Variants in ZBTB20 observed in about 807,000 individuals in gnomAD.
The protein encoded by ZBTB20 is zinc finger and BTB domain containing 20, also known as zinc finger and BTB domain-containing protein 20.
Under a neutral mutation model 56.9 loss-of-function variants are expected in ZBTB20, and 9 were observed. That is an observed-to-expected ratio of 0.16 (90% CI 0.10 to 0.28). ZBTB20 has a LOEUF of 0.28. Among genes scored for constraint, ZBTB20 ranks in the 10% least tolerant of loss-of-function variants. The pLI is 1.00. For synonymous variants in ZBTB20, 417 were observed against 420.7 expected (o/e 0.99, Z 0.11); for missense variants, 655 against 1,003.0 (o/e 0.65, Z 4.69).
At chr3:114,533,874 T>C (rs2048147441) in intron 6 of ZBTB20, among the ~76,000 whole-genome samples, 1 of 152,208 alleles carries the variant, frequency 6.6e-6, no homozygotes, top group Non-Finnish European at 1.5e-5. Context: ...CAGAATTTCA[T>C]ATCCAGCCAA....
intron 10 of ZBTB20, among the ~76,000 whole-genome samples, chr3:114,357,929 A>C (rs1576331040): frequency 6.6e-6 from 1 of 152,352 alleles, no homozygotes; most frequent in South Asian, 2.1e-4. Flanking sequence ...GAAAGGGAAG[A>C]GAGAAATGTA....
chr3:114,524,724 T>G (rs1205076863), intron 6 of ZBTB20, among the ~76,000 whole-genome samples: 1 of 152,162 alleles, frequency 6.6e-6, no homozygotes, highest in African/African-American at 2.4e-5. Context: ...TTCCAATTTT[T>G]TTTTCTGAGA....
chr3:114,775,674 G>A lies in ZBTB20; in HGVS notation c.-343+25427C>T, dbSNP rs138998569. Reference sequence around the variant, plus strand: ...ATTTATTTCTTCCAGATGTTTTCCCGACAGCCACCTTTCTGCAATGTCCCT... The same window carrying A: ...ATTTATTTCTTCCAGATGTTTTCCCAACAGCCACCTTTCTGCAATGTCCCT... On this transcript the variant is annotated intron_variant, in intron 5 of 11. Transcript: ENST00000675478. Among the ~76,000 whole-genome samples, 212 of 152,170 alleles carry A rather than the reference G, an allele frequency of 1.4e-3. 5 individuals carry two copies. In the East Asian group the frequency reaches 0.035, roughly 25 times the overall value.
intron 4 of ZBTB20, among the ~76,000 whole-genome samples, chr3:114,885,526 T>C (rs2076570990): frequency 6.6e-6 from 1 of 152,018 alleles, no homozygotes; most frequent in African/African-American, 2.4e-5. Flanking sequence ...AGAAGAGTAA[T>C]CAACACCAGA....
chr3:114,621,410 G>T (rs543868678), intron 6 of ZBTB20, among the ~76,000 whole-genome samples: 1 of 152,220 alleles, frequency 6.6e-6, no homozygotes, highest in East Asian at 1.9e-4. Context: ...GCTGAATATA[G>T]ATATATGGTT....
chr3:114,744,524 C>T (rs956016456), intron 5 of ZBTB20, among the ~76,000 whole-genome samples: 1 of 152,040 alleles, frequency 6.6e-6, no homozygotes. Flanking sequence ...TACCAAGATG[C>T]TTGATACTTT....
At chr3:114,390,710 T>C (rs957656185) in intron 7 of ZBTB20, among the ~76,000 whole-genome samples, 8 of 152,226 alleles carry the variant, frequency 5.3e-5, no homozygotes, top group Admixed American at 4.6e-4. Flanking sequence ...ACATTCTAAA[T>C]AACAGCTGGT....
intron 1 of ZBTB20, among the ~76,000 whole-genome samples, chr3:115,109,426 GCTA>G (rs2083812704): frequency 6.6e-6 from 1 of 152,046 alleles, no homozygotes; most frequent in Admixed American, 6.5e-5. Flanking sequence ...TACAAAAGTT[GCTA>G]CTATTAATAA....
chr3:114,516,606 A>G (rs2046023196), intron 6 of ZBTB20, among the ~76,000 whole-genome samples: 1 of 152,194 alleles, frequency 6.6e-6, no homozygotes, highest in Non-Finnish European at 1.5e-5. Flanking sequence ...ATATGAATAG[A>G]TGTGTGAATA....
intron 8 of ZBTB20, among the ~76,000 whole-genome samples, chr3:114,384,134 C>T (rs1224578141): frequency 2.0e-5 from 3 of 151,008 alleles, no homozygotes; most frequent in East Asian, 2.0e-4. Context: ...CTCTCATTCT[C>T]TCTCTCTCTC....
intron 4 of ZBTB20, among the ~76,000 whole-genome samples, chr3:114,824,408 C>A (rs562819847): frequency 6.6e-6 from 1 of 151,954 alleles, no homozygotes; most frequent in South Asian, 2.1e-4. Context: ...GTGAAACAAA[C>A]AAACATAATG....
intron 1 of ZBTB20, among the ~76,000 whole-genome samples, chr3:115,132,175 T>C (rs1197163636): frequency 1.3e-5 from 2 of 152,234 alleles, no homozygotes; most frequent in African/African-American, 2.4e-5. Flanking sequence ...CAGTTTGTCC[T>C]TCTCTTAATC....
chr3:114,789,177 T>C (rs1440358891), intron 5 of ZBTB20, among the ~76,000 whole-genome samples: 1 of 152,186 alleles, frequency 6.6e-6, no homozygotes, highest in East Asian at 1.9e-4. Flanking sequence ...ACTTATGTGT[T>C]CAAATTTGGT....
chr3:114,856,587 A>G (rs536451418), intron 4 of ZBTB20, among the ~76,000 whole-genome samples: 2 of 152,308 alleles, frequency 1.3e-5, no homozygotes, highest in East Asian at 1.9e-4. Context: ...TTGTTACTGC[A>G]CTACACCCTA....
chr3:115,067,168 T>C (rs1165685114), intron 2 of ZBTB20, among the ~76,000 whole-genome samples: 2 of 152,084 alleles, frequency 1.3e-5, no homozygotes, highest in Non-Finnish European at 2.9e-5. Flanking sequence ...ACACTTTTAG[T>C]AGACAGGACT....
At chr3:115,047,180 G>C (rs1043515648) in intron 2 of ZBTB20, among the ~76,000 whole-genome samples, 5 of 152,128 alleles carry the variant, frequency 3.3e-5, no homozygotes, top group African/African-American at 1.2e-4. Flanking sequence ...TTTGCTATGA[G>C]GAGTACAATT....
At chr3:114,390,581 T>C (rs2085756517) in intron 7 of ZBTB20, among the ~76,000 whole-genome samples, 1 of 152,234 alleles carries the variant, frequency 6.6e-6, no homozygotes, top group Non-Finnish European at 1.5e-5. Flanking sequence ...GACATTCCTC[T>C]AGATCCTCTC....
At chr3:114,812,954 G>GGTCC (rs1308511696) in intron 4 of ZBTB20, among the ~76,000 whole-genome samples, 1 of 149,028 alleles carries the variant, frequency 6.7e-6, no homozygotes, top group Non-Finnish European at 1.5e-5. Context: ...CCGAGTGCGG[G>GGTCC]GTCCGTCTAG....
chr3:115,078,996 G>A (rs912563170), intron 1 of ZBTB20, among the ~76,000 whole-genome samples: 5 of 151,890 alleles, frequency 3.3e-5, no homozygotes, highest in African/African-American at 4.8e-5. Context: ...TTCAATTAGC[G>A]TTTTCACCAA....
Sources: allele counts gnomAD v4.1 joint callset (sites outside exome capture counted in the v4.1 genomes callset), GRCh38; gene constraint gnomAD v4.1.1; transcripts MANE v1.5; gene names NCBI Gene and HGNC (gene_info 2026-07-23, HGNC 2026-07-21).